Variants in CDH13 observed in about 807,000 individuals in gnomAD.
The protein encoded by CDH13 is cadherin-13.
In CDH13, 24 loss-of-function variants were observed where a neutral mutation model predicts 63.8. The ratio of observed to expected loss-of-function variants is 0.38; its 90% CI spans 0.27 to 0.53. CDH13 has a LOEUF of 0.53. Among genes scored for constraint, CDH13 ranks in the 20% least tolerant of loss-of-function variants. CDH13 has a pLI of 0.85. For synonymous variants in CDH13, 503 were observed against 355.3 expected (o/e 1.42, Z -4.67); for missense variants, 1,049 against 903.1 (o/e 1.16, Z -2.07).
chr16:82,973,358 T>C (rs904010457), intron 2 of CDH13, among the ~76,000 whole-genome samples: 1 of 152,190 alleles, frequency 6.6e-6, no homozygotes, highest in Non-Finnish European at 1.5e-5. Context: ...AAACATAGCT[T>C]TAAAGCCTGT....
chr16:82,944,774 G>GAGAA (rs945350750), intron 2 of CDH13, among the ~76,000 whole-genome samples: 1 of 152,136 alleles, frequency 6.6e-6, no homozygotes, highest in African/African-American at 2.4e-5. Flanking sequence ...TGATGAGAGA[G>GAGAA]AGAAAGAGAG....
chr16:82,788,775 A>G (rs1192764498), intron 1 of CDH13, among the ~76,000 whole-genome samples: 4 of 152,226 alleles, frequency 2.6e-5, no homozygotes, highest in Admixed American at 2.0e-4. Flanking sequence ...AGCCGGACAG[A>G]TCCTGGGATG....
intron 4 of CDH13, among the ~76,000 whole-genome samples, chr16:83,216,772 A>G (rs13337306): frequency 3.3e-5 from 5 of 149,734 alleles, no homozygotes; most frequent in Admixed American, 1.3e-4. Context: ...TTATATACAT[A>G]TTATATATAT....
At position 82,945,594 on chromosome 16, in the gene CDH13, C is replaced by T. The variant is rs573667027; in HGVS notation, c.158-86416C>T. ...AAGGATTTTGTGTTTTTTTTCTTCG[C>T]GGTTGTTTAGTTTTGCTTTGGGTGA... On this transcript the variant is annotated intron_variant, in intron 2 of 13. Transcript: ENST00000567109. Among the ~76,000 whole-genome samples the T allele has an allele frequency of 7.2e-5, 11 of 151,960 alleles. No homozygotes were observed. In the South Asian group the frequency reaches 2.1e-3, roughly 29 times the overall value.
At chr16:82,808,394 G>T (rs1266928538) in intron 1 of CDH13, among the ~76,000 whole-genome samples, 1 of 152,084 alleles carries the variant, frequency 6.6e-6, no homozygotes, top group Non-Finnish European at 1.5e-5. Flanking sequence ...GAGACACTTA[G>T]TCAAAAATTG....
intron 8 of CDH13, among the ~76,000 whole-genome samples, chr16:83,666,295 G>C (rs1380530183): frequency 1.3e-5 from 2 of 152,096 alleles, no homozygotes; most frequent in East Asian, 3.8e-4. Context: ...ACATTGAATA[G>C]AATTAATAGA....
At chr16:83,319,199 G>C (rs1353588437) in intron 5 of CDH13, among the ~76,000 whole-genome samples, 3 of 152,076 alleles carry the variant, frequency 2.0e-5, no homozygotes, top group African/African-American at 4.8e-5. Context: ...ATTTTGTATT[G>C]TGATGCTCAT....
intron 3 of CDH13, among the ~76,000 whole-genome samples, chr16:83,120,031 C>G (rs1290413648): frequency 8.2e-6 from 1 of 121,364 alleles, no homozygotes; most frequent in African/African-American, 3.0e-5. Flanking sequence ...AGCAGGATGT[C>G]CTGACTTCAG....
intron 3 of CDH13, among the ~76,000 whole-genome samples, chr16:83,079,675 A>G (rs2033104472): frequency 6.6e-6 from 1 of 152,208 alleles, no homozygotes; most frequent in African/African-American, 2.4e-5. Flanking sequence ...TGTATAAATA[A>G]AAGATTGGAG....
chr16:82,822,752 C>T (rs1272336124), intron 1 of CDH13, among the ~76,000 whole-genome samples: 1 of 152,214 alleles, frequency 6.6e-6, no homozygotes, highest in Non-Finnish European at 1.5e-5. Context: ...ACCTTGGCCT[C>T]CCAAAGTGCT....
intron 7 of CDH13, among the ~76,000 whole-genome samples, chr16:83,527,770 T>C (rs898642672): frequency 6.6e-6 from 1 of 152,138 alleles, no homozygotes; most frequent in Non-Finnish European, 1.5e-5. Flanking sequence ...CCTATTACGG[T>C]TGTTGTTGTC....
chr16:83,461,748 T>C (rs1169906642), intron 6 of CDH13, among the ~76,000 whole-genome samples: 4 of 152,158 alleles, frequency 2.6e-5, no homozygotes, highest in Admixed American at 1.3e-4. Context: ...CAGAGGGTGG[T>C]AACTAGCAAT....
At chr16:82,841,456 A>G (rs551529279) in intron 1 of CDH13, among the ~76,000 whole-genome samples, 1 of 152,224 alleles carries the variant, frequency 6.6e-6, no homozygotes, top group African/African-American at 2.4e-5. Flanking sequence ...TTAGCAAAGC[A>G]GCAGCTCCCT....
intron 1 of CDH13, among the ~76,000 whole-genome samples, chr16:82,682,490 C>T (rs1172116408): frequency 1.3e-5 from 2 of 152,178 alleles, no homozygotes; most frequent in Non-Finnish European, 2.9e-5. Context: ...AGAAATACTC[C>T]ATTACATGTA....
intron 6 of CDH13, among the ~76,000 whole-genome samples, chr16:83,386,777 G>T (rs1173905077): frequency 6.6e-6 from 1 of 152,192 alleles, no homozygotes; most frequent in African/African-American, 2.4e-5. Context: ...TGCTGGTATT[G>T]ATTCAACATC....
intron 7 of CDH13, among the ~76,000 whole-genome samples, chr16:83,568,400 A>G (rs1013630316): frequency 6.6e-6 from 1 of 152,162 alleles, no homozygotes; most frequent in African/African-American, 2.4e-5. Context: ...TCATTTCCAA[A>G]TTCAACGATT....
At chr16:82,839,466 G>T (rs1441244946) in intron 1 of CDH13, among the ~76,000 whole-genome samples, 1 of 152,124 alleles carries the variant, frequency 6.6e-6, no homozygotes, top group Non-Finnish European at 1.5e-5. Context: ...GGGTTTCCTG[G>T]GATATGGGAC....
At chr16:82,808,472 A>G (rs534940958) in intron 1 of CDH13, among the ~76,000 whole-genome samples, 11 of 152,318 alleles carry the variant, frequency 7.2e-5, no homozygotes, top group Middle Eastern at 6.8e-3. Context: ...CAAGTCAGAG[A>G]TGAAATAAGA....
At chr16:82,977,520 T>C (rs1909685751) in intron 2 of CDH13, among the ~76,000 whole-genome samples, 1 of 152,156 alleles carries the variant, frequency 6.6e-6, no homozygotes, top group Admixed American at 6.5e-5. Flanking sequence ...TTTCCCCCTT[T>C]TGCTTGGCAC....
Sources: allele counts gnomAD v4.1 joint callset (sites outside exome capture counted in the v4.1 genomes callset), GRCh38; gene constraint gnomAD v4.1.1; transcripts MANE v1.5; gene names NCBI Gene and HGNC (gene_info 2026-07-23, HGNC 2026-07-21).